The following SLC25A21 variants were observed in gnomAD, a reference collection of about 807,000 sequenced individuals.
The protein encoded by SLC25A21 is mitochondrial 2-oxodicarboxylate carrier.
In SLC25A21, 47 loss-of-function variants were observed where a neutral mutation model predicts 43.8. That is an observed-to-expected ratio of 1.07 (90% CI 0.85 to 1.37). SLC25A21 has a LOEUF of 1.37. Ranked by LOEUF, SLC25A21 falls within the 40% of genes most tolerant of loss-of-function variation. The pLI is 0.00. For missense variants in SLC25A21, 352 were observed against 350.2 expected (o/e 1.00, Z -0.04); for synonymous variants, 131 against 121.3 (o/e 1.08, Z -0.52).
chr14:36,779,146 T>A (rs1487999798), intron 3 of SLC25A21, among the ~76,000 whole-genome samples: 1 of 148,072 alleles, frequency 6.8e-6, no homozygotes, highest in African/African-American at 2.5e-5. Flanking sequence ...AATGGTAGAA[T>A]TTCCTCCTTT....
chr14:36,854,535 G>C (rs556513984), intron 2 of SLC25A21, among the ~76,000 whole-genome samples: 2 of 152,192 alleles, frequency 1.3e-5, no homozygotes, highest in South Asian at 2.1e-4. Context: ...TTCCTACATG[G>C]GCTTGTTAGA....
intron 1 of SLC25A21, among the ~76,000 whole-genome samples, chr14:36,905,962 T>G (rs1294241964): frequency 1.3e-5 from 2 of 152,132 alleles, no homozygotes; most frequent in Non-Finnish European, 2.9e-5. Context: ...ACAATGACAG[T>G]GAAGTGACCG....
intron 1 of SLC25A21, among the ~76,000 whole-genome samples, chr14:36,885,233 T>C (rs368810467): frequency 9.6e-4 from 147 of 152,342 alleles, no homozygotes; most frequent in African/African-American, 3.4e-3. Flanking sequence ...CTTTTTCCAT[T>C]GTATGTTCCT....
At chr14:37,047,715 T>C (rs1961617998) in intron 1 of SLC25A21, among the ~76,000 whole-genome samples, 1 of 152,256 alleles carries the variant, frequency 6.6e-6, no homozygotes, top group Admixed American at 6.5e-5. Flanking sequence ...TGCATTTGAC[T>C]TGTTTTGTCC....
Position 36,679,521 on chromosome 14 carries a change from A to C in SLC25A21, c.*1137T>G, listed in dbSNP as rs1882098196. The stretch of plus-strand genomic sequence containing the variant: ...CATCATCTCTGGATGCAGATATAAA[A>C]TCAAGTTTGGTTACATCAAGACCAA... On this transcript the variant is annotated 3_prime_UTR_variant, in exon 10 of 10. Coordinates refer to ENST00000331299, the MANE Select transcript of SLC25A21 (RefSeq NM_030631.4). 19 of 985,310 alleles carry C rather than the reference A, an allele frequency of 1.9e-5. No individual in the cohort carries two copies. Among genetic ancestry groups the C allele is most frequent in the Non-Finnish European group, 2.3e-5 (19 of 829,922 alleles). The allele number at this position is 985,310 out of a possible 1,614,324, so 61.0% of individuals were successfully genotyped here.
chr14:36,910,098 A>G (rs968011454), intron 1 of SLC25A21, among the ~76,000 whole-genome samples: 35 of 152,172 alleles, frequency 2.3e-4, no homozygotes, highest in Admixed American at 2.0e-4. Context: ...GGGAAAGCAG[A>G]CCTAATAAAT....
chr14:36,888,990 C>T (rs1197751948), intron 1 of SLC25A21, among the ~76,000 whole-genome samples: 2 of 152,178 alleles, frequency 1.3e-5, no homozygotes, highest in African/African-American at 4.8e-5. Context: ...TGCTACAATA[C>T]TTGTCTTTAG....
chr14:36,739,080 C>T (rs1314704342), intron 3 of SLC25A21, among the ~76,000 whole-genome samples: 1 of 151,976 alleles, frequency 6.6e-6, no homozygotes, highest in Non-Finnish European at 1.5e-5. Context: ...TTTTTTAAAA[C>T]AACTATTTTA....
intron 3 of SLC25A21, among the ~76,000 whole-genome samples, chr14:36,803,868 T>C (rs1887950128): frequency 6.6e-6 from 1 of 152,208 alleles, no homozygotes; most frequent in Admixed American, 6.5e-5. Flanking sequence ...ATTACTAAAT[T>C]CAACTTCAGT....
Position 36,729,554 on chromosome 14 carries a change from CA to C in SLC25A21, c.282del (p.Phe94LeufsTer17). 1 of 1,608,686 alleles carries C rather than the reference CA, an allele frequency of 6.2e-7. No individual in the cohort carries two copies. Among genetic ancestry groups the C allele is most frequent in the South Asian group, 1.1e-5 (1 of 89,440 alleles). ...TPKRAVKFFT[F>X]EQYKKLLGYV... is the part of the protein sequence containing the mutation. ...TATCCCAGCAATTTCTTGTACTGCT[CA>C]AAGGTGAAAAACTGTGAAACAAAAC... is the stretch of plus-strand genomic sequence containing the variant. On this transcript the variant is annotated frameshift_variant, in exon 5 of 10. Coordinates refer to ENST00000331299, the MANE Select transcript of SLC25A21 (RefSeq NM_030631.4). LOFTEE classifies it high-confidence loss of function.
At chr14:36,696,082 A>G (rs1594496519) in intron 7 of SLC25A21, among the ~76,000 whole-genome samples, 1 of 152,284 alleles carries the variant, frequency 6.6e-6, no homozygotes, top group South Asian at 2.1e-4. Flanking sequence ...GATACATTCC[A>G]TCAATACCTA....
intron 1 of SLC25A21, among the ~76,000 whole-genome samples, chr14:37,168,155 G>A (rs770492932): frequency 2.6e-5 from 4 of 151,984 alleles, no homozygotes; most frequent in Admixed American, 6.6e-5. Context: ...CATATTTTGA[G>A]TACCAAGGGT....
intron 1 of SLC25A21, among the ~76,000 whole-genome samples, chr14:37,157,368 G>GA (rs113516133): frequency 5.4e-4 from 79 of 147,434 alleles, no homozygotes; most frequent in Admixed American, 1.6e-3. Flanking sequence ...ACTCAAAAAG[G>GA]AAAAAAAAAA....
At chr14:36,841,828 C>T (rs1889394145) in intron 2 of SLC25A21, among the ~76,000 whole-genome samples, 1 of 152,158 alleles carries the variant, frequency 6.6e-6, no homozygotes, top group Non-Finnish European at 1.5e-5. Context: ...ACTCCCTGTG[C>T]AGGCAAGTGA....
intron 3 of SLC25A21, among the ~76,000 whole-genome samples, chr14:36,792,500 G>A (rs1364711933): frequency 6.6e-6 from 1 of 152,056 alleles, no homozygotes; most frequent in Admixed American, 6.6e-5. Flanking sequence ...TGAAAATGTT[G>A]GACCAAGTAT....
chr14:37,035,641 G>C (rs1183144045), intron 1 of SLC25A21, among the ~76,000 whole-genome samples: 1 of 152,126 alleles, frequency 6.6e-6, no homozygotes, highest in East Asian at 1.9e-4. Flanking sequence ...CCCAGAGCCC[G>C]ATCACTGTGT....
At chr14:37,151,079 T>C (rs1963751424) in intron 1 of SLC25A21, among the ~76,000 whole-genome samples, 1 of 152,278 alleles carries the variant, frequency 6.6e-6, no homozygotes, top group East Asian at 1.9e-4. Context: ...CATGATTCTA[T>C]TTTAGGTGTC....
At chr14:37,111,554 T>A (rs1202722161) in intron 1 of SLC25A21, among the ~76,000 whole-genome samples, 2 of 152,112 alleles carry the variant, frequency 1.3e-5, no homozygotes, top group Non-Finnish European at 2.9e-5. Context: ...ACTTCTGGTT[T>A]GAAAAGCCAA....
intron 1 of SLC25A21, among the ~76,000 whole-genome samples, chr14:36,977,125 A>AT (rs543859853): frequency 4.6e-5 from 7 of 151,990 alleles, no homozygotes; most frequent in East Asian, 1.9e-4. Context: ...CAAGGCATTA[A>AT]TTTTTTTTCT....
Sources: allele counts gnomAD v4.1 joint callset (sites outside exome capture counted in the v4.1 genomes callset), GRCh38; gene constraint gnomAD v4.1.1; transcripts MANE v1.5; gene names NCBI Gene and HGNC (gene_info 2026-07-23, HGNC 2026-07-21).